VEPH1: variants seen among roughly 807,000 people sequenced by gnomAD.
The protein encoded by VEPH1 is ventricular zone-expressed PH domain-containing protein homolog 1.
Under a neutral mutation model 85.2 loss-of-function variants are expected in VEPH1, and 80 were observed. The observed-to-expected ratio is 0.94, with a 90% CI of 0.78 to 1.13. VEPH1 has a LOEUF of 1.13. VEPH1 is among the 50% of genes most tolerant of loss of function. The pLI, the probability that VEPH1 is intolerant of heterozygous loss-of-function variation, is 0.00. For missense variants in VEPH1, 955 were observed against 980.5 expected, an observed-to-expected ratio of 0.97 and a Z score of 0.35; for synonymous variants, 297 against 348.0, an observed-to-expected ratio of 0.85 and a Z score of 1.63.
chr3:157,438,035 GCGCACACACA>G (rs1188166418), intron 4 of VEPH1: 2 of 701,786 alleles, frequency 2.8e-6, no homozygotes, highest in African/African-American at 5.9e-5. Context: ...GCGCGCGCGC[GCGCACACACA>G]CACACACACA....
intron 11 of VEPH1, among the ~76,000 whole-genome samples, chr3:157,297,853 C>A (rs73016288): frequency 6.6e-6 from 1 of 151,842 alleles, no homozygotes; most frequent in Non-Finnish European, 1.5e-5. Context: ...AGTGAAGAGA[C>A]GGGAAATAAC....
intron 6 of VEPH1, among the ~76,000 whole-genome samples, chr3:157,403,024 C>G (rs1402816912): frequency 2.0e-5 from 3 of 152,120 alleles, no homozygotes; most frequent in Admixed American, 2.0e-4. Context: ...TCAGGCTTTA[C>G]TTTTTTGATA....
chr3:157,324,867 T>G (rs948105706), intron 9 of VEPH1, among the ~76,000 whole-genome samples: 12 of 152,208 alleles, frequency 7.9e-5, no homozygotes. Flanking sequence ...ATGGGTTTGT[T>G]GGGTCATATG....
intron 4 of VEPH1, among the ~76,000 whole-genome samples, chr3:157,429,421 G>A (rs887404052): frequency 1.1e-4 from 16 of 152,220 alleles, no homozygotes; most frequent in Admixed American, 2.0e-4. Flanking sequence ...AGACAATTTA[G>A]ATATGATCAT....
chr3:157,369,002 C>A (rs1011340739), intron 7 of VEPH1, among the ~76,000 whole-genome samples: 4 of 151,382 alleles, frequency 2.6e-5, no homozygotes, highest in Admixed American at 6.6e-5. Context: ...CCTGTACAAC[C>A]CATCTGGTCT....
chr3:157,286,491 T>C, intron 12 of VEPH1, 66 bp downstream of exon 12: 1 of 1,281,202 alleles, frequency 7.8e-7, no homozygotes, highest in South Asian at 1.2e-5. Flanking sequence ...CCTAGAAAAA[T>C]GGAGCTGACA....
intron 4 of VEPH1, among the ~76,000 whole-genome samples, chr3:157,430,083 T>A (rs1305919598): frequency 6.6e-6 from 1 of 152,224 alleles, no homozygotes; most frequent in African/African-American, 2.4e-5. Context: ...ATCAAACAAA[T>A]GTAGGCAATA....
intron 2 of VEPH1, among the ~76,000 whole-genome samples, chr3:157,481,486 A>AAAAAAAAAAAAAAC (rs57277738): frequency 3.8e-5 from 3 of 79,060 alleles, no homozygotes; most frequent in Non-Finnish European, 4.9e-5. Context: ...AAAAAAAAAA[A>AAAAAAAAAAAAAAC]CAATCCTAAG....
intron 9 of VEPH1, among the ~76,000 whole-genome samples, chr3:157,331,351 A>C (rs1722485695): frequency 6.6e-6 from 1 of 152,150 alleles, no homozygotes; most frequent in Admixed American, 6.6e-5. Context: ...CTTGGGGGAG[A>C]CTGACATTCT....
intron 9 of VEPH1, among the ~76,000 whole-genome samples, chr3:157,348,060 TG>T (rs1724439143): frequency 2.0e-5 from 3 of 152,164 alleles, no homozygotes; most frequent in Admixed American, 1.3e-4. Flanking sequence ...GAGCCTGGGC[TG>T]GGGATTCGCT....
At chr3:157,279,146 G>T (rs1431162032) in intron 12 of VEPH1, among the ~76,000 whole-genome samples, 3 of 152,166 alleles carry the variant, frequency 2.0e-5, no homozygotes, top group Non-Finnish European at 4.4e-5. Context: ...TCTGGAAGTT[G>T]TTGCATAGAG....
intron 5 of VEPH1, among the ~76,000 whole-genome samples, chr3:157,419,239 T>A (rs149495860): frequency 1.3e-3 from 196 of 151,654 alleles, no homozygotes; most frequent in African/African-American, 4.6e-3. Flanking sequence ...TAAAAGAAAA[T>A]CGAGGCAATA....
intron 5 of VEPH1, among the ~76,000 whole-genome samples, chr3:157,425,957 A>G (rs1005444883): frequency 1.3e-5 from 2 of 152,126 alleles, no homozygotes; most frequent in African/African-American, 2.4e-5. Context: ...TACTGTTCTC[A>G]TGGTAGTGAA....
intron 6 of VEPH1, among the ~76,000 whole-genome samples, chr3:157,406,485 A>G (rs1731148308): frequency 6.6e-6 from 1 of 152,138 alleles, no homozygotes; most frequent in South Asian, 2.1e-4. Context: ...TGTCACAGAA[A>G]TGCAACCTGG....
At chr3:157,338,042 G>C (rs776274407) in intron 9 of VEPH1, among the ~76,000 whole-genome samples, 3 of 152,002 alleles carry the variant, frequency 2.0e-5, no homozygotes, top group Admixed American at 6.6e-5. Context: ...TCCTAGATAT[G>C]GGTGGGCTGG....
chr3:157,503,007 G>GA (rs1187741452), intron 1 of VEPH1, among the ~76,000 whole-genome samples: 2 of 152,146 alleles, frequency 1.3e-5, no homozygotes, highest in East Asian at 3.9e-4. Context: ...TATGAATCTA[G>GA]AAGCACAGCT....
chr3:157,372,664 T>C (rs959002430), intron 7 of VEPH1, among the ~76,000 whole-genome samples: 1 of 152,228 alleles, frequency 6.6e-6, no homozygotes, highest in African/African-American at 2.4e-5. Context: ...GGTCCAGCTG[T>C]ATCCAACATT....
At chr3:157,442,422 C>T (rs1387434427) in intron 4 of VEPH1, 1 of 1,614,070 alleles carries the variant, frequency 6.2e-7, no homozygotes, top group South Asian at 1.1e-5. Flanking sequence ...TGGAAGCGTG[C>T]ATCCAGTGAG....
intron 5 of VEPH1, among the ~76,000 whole-genome samples, chr3:157,425,211 A>G (rs1732667095): frequency 6.6e-6 from 1 of 151,990 alleles, no homozygotes; most frequent in African/African-American, 2.4e-5. Flanking sequence ...GGTGCACAAA[A>G]GTCAAGAATT....
Sources: allele counts gnomAD v4.1 joint callset (sites outside exome capture counted in the v4.1 genomes callset), GRCh38; gene constraint gnomAD v4.1.1; transcripts MANE v1.5; gene names NCBI Gene and HGNC (gene_info 2026-07-23, HGNC 2026-07-21).